Variants in PSMA3 observed in about 807,000 individuals in gnomAD.
The protein encoded by PSMA3 is proteasome subunit alpha type-3.
In PSMA3, 8 loss-of-function variants were observed where a neutral mutation model predicts 40.0. The observed-to-expected ratio is 0.20, with a 90% CI of 0.12 to 0.36. PSMA3 has a LOEUF of 0.36. Among genes scored for constraint, PSMA3 ranks in the 10% least tolerant of loss-of-function variants. The pLI is 1.00. For missense variants in PSMA3, 219 were observed against 310.6 expected, an observed-to-expected ratio of 0.70 and a Z score of 2.22; for synonymous variants, 110 against 100.0, an observed-to-expected ratio of 1.10 and a Z score of -0.59.
intron 2 of PSMA3, among the ~76,000 whole-genome samples, chr14:58,250,195 G>A (rs1889975361): frequency 7.8e-6 from 1 of 127,744 alleles, no homozygotes; most frequent in Non-Finnish European, 1.6e-5. Context: ...ACTCCAGCTG[G>A]GGCAACAGAG....
At chr14:58,261,121 A>AC (rs1156485903) in intron 6 of PSMA3, 101 bp downstream of exon 6, 5 of 782,804 alleles carry the variant, frequency 6.4e-6, no homozygotes, top group Non-Finnish European at 9.9e-6. Context: ...AAAAAAACTC[A>AC]TTCAAGGAAA....
intron 3 of PSMA3, among the ~76,000 whole-genome samples, chr14:58,255,558 C>T (rs920799884): frequency 2.6e-5 from 4 of 152,140 alleles, no homozygotes; most frequent in East Asian, 1.9e-4. Flanking sequence ...CACCTGAGGT[C>T]GAAAGTTCAA....
rs755276247 is a variant in PSMA3 at position 58,267,572 on chromosome 14, C to CAT, written c.590+61_590+62dup. 51 of 1,523,058 alleles carry CAT rather than the reference C, an allele frequency of 3.3e-5. No individual in the cohort carries two copies. The South Asian group carries it at 5.4e-4, about 16-fold the overall frequency. 94.3% of individuals were successfully genotyped at this position (1,523,058 alleles called of 1,614,324 possible). A position where few individuals can be genotyped will look rare whatever the true frequency, so the allele number is the denominator to read the frequency against. ...ACAAAAATATTTCATTTGACCTTTG[C>CAT]ATATATATATTACATTAATCCTAAG... On this transcript the variant is annotated intron_variant, in intron 8 of 10. Transcript: ENST00000216455.
intron 3 of PSMA3, among the ~76,000 whole-genome samples, chr14:58,252,478 G>A (rs896033149): frequency 6.6e-6 from 1 of 152,182 alleles, no homozygotes; most frequent in Non-Finnish European, 1.5e-5. Flanking sequence ...GTAGAAATGA[G>A]ATCTTGGCAG....
At chr14:58,254,344 G>GTATATATATATATATATATA (rs1890096208) in intron 3 of PSMA3, among the ~76,000 whole-genome samples, 1 of 13,440 alleles carries the variant, frequency 7.4e-5, no homozygotes, top group African/African-American at 3.2e-4. Flanking sequence ...ATATATATAT[G>GTATATATATATATATATATA]TATGTACACA....
At chr14:58,244,988 G>A (rs765823753) in intron 1 of PSMA3, 47 bp downstream of exon 1, 14 of 1,613,784 alleles carry the variant, frequency 8.7e-6, no homozygotes, top group Non-Finnish European at 1.1e-5. Context: ...AAGGATTGGG[G>A]TTGAAGGGAA....
intron 1 of PSMA3, 125 bp downstream of exon 1, chr14:58,245,066 T>A: frequency 8.1e-7 from 1 of 1,234,180 alleles, no homozygotes; most frequent in Non-Finnish European, 1.2e-6. Flanking sequence ...GGGTGGGCCA[T>A]TTGCAGCTGT....
intron 3 of PSMA3, among the ~76,000 whole-genome samples, chr14:58,256,288 G>A (rs1326352819): frequency 6.6e-6 from 1 of 152,184 alleles, no homozygotes; most frequent in Non-Finnish European, 1.5e-5. Flanking sequence ...AGTATCTCTC[G>A]TCTAAAATGC....
At chr14:58,270,229 G>GTT in intron 8 of PSMA3, 189 bp from the exon 9 acceptor site, 1 of 801,740 alleles carries the variant, frequency 1.2e-6, no homozygotes, top group Non-Finnish European at 1.8e-6. Context: ...GAGAGTAGAT[G>GTT]TTTCATTTTA....
At chr14:58,264,005 G>C (rs1890360589) in intron 7 of PSMA3, among the ~76,000 whole-genome samples, 1 of 152,156 alleles carries the variant, frequency 6.6e-6, no homozygotes, top group Admixed American at 6.5e-5. Flanking sequence ...GGGGAAGCTC[G>C]GTGTAAGGAT....
chr14:58,267,051 G>A (rs2140095698), intron 7 of PSMA3: 1 of 152,650 alleles, frequency 6.6e-6, no homozygotes, highest in Non-Finnish European at 1.5e-5. Flanking sequence ...CCAGGCTAGA[G>A]TGCAGTGGCG....
At chr14:58,271,501 G>T (rs1449216917) in intron 10 of PSMA3, among the ~76,000 whole-genome samples, 1 of 151,800 alleles carries the variant, frequency 6.6e-6, no homozygotes, top group African/African-American at 2.4e-5. Flanking sequence ...GGCTACTTTT[G>T]TATTTTTGGC....
In PSMA3 at chr14:58,261,038, AT is replaced by A. The variant is rs771707854; in HGVS notation, c.477+21del. On this transcript the variant is annotated intron_variant, in intron 6 of 10. Coordinates refer to ENST00000216455, the MANE Select transcript of PSMA3 (RefSeq NM_002788.4). ...TTTCATACGTGAGTAATTTTGAATC[AT>A]TTGAAATTCTATTTTAGTTTAATGG... is the stretch of plus-strand genomic sequence containing the variant. 7.8e-6 allele frequency: 12 copies of A among 1,545,866 alleles called. No homozygotes were observed. Among genetic ancestry groups the A allele is most frequent in the Non-Finnish European group, 7.1e-6 (8 of 1,120,148 alleles).
intron 2 of PSMA3, among the ~76,000 whole-genome samples, chr14:58,251,799 TGTC>T (rs1257625368): frequency 6.6e-6 from 1 of 152,240 alleles, no homozygotes; most frequent in Non-Finnish European, 1.5e-5. Context: ...CATGAATTTA[TGTC>T]AACATTTGTT....
intron 2 of PSMA3, 116 bp downstream of exon 2, chr14:58,247,948 A>T: frequency 1.6e-6 from 1 of 643,110 alleles, no homozygotes; most frequent in Non-Finnish European, 2.6e-6. Flanking sequence ...ATCTCAATTT[A>T]TTCATTTCCA....
chr14:58,267,391 T>C, intron 7 of PSMA3, 83 bp from the exon 8 acceptor site: 2 of 1,347,194 alleles, frequency 1.5e-6, no homozygotes, highest in Non-Finnish European at 1.9e-6. Flanking sequence ...CTTGGTTTTA[T>C]ATCTGAGTAT....
At chr14:58,260,640 C>G (rs1008890663) in intron 5 of PSMA3, among the ~76,000 whole-genome samples, 3 of 152,020 alleles carry the variant, frequency 2.0e-5, no homozygotes, top group African/African-American at 7.2e-5. Flanking sequence ...GTGTTTATGC[C>G]TTATTTATTG....
At chr14:58,270,766 T>C (rs1274927550) in intron 9 of PSMA3, among the ~76,000 whole-genome samples, 168 bp from the exon 10 acceptor site, 1 of 152,242 alleles carries the variant, frequency 6.6e-6, no homozygotes, top group Admixed American at 6.5e-5. Context: ...TAGGCACATA[T>C]AATCTCATGT....
chr14:58,270,782 C>T, intron 9 of PSMA3, 152 bp from the exon 10 acceptor site: 1 of 771,428 alleles, frequency 1.3e-6, no homozygotes, highest in Non-Finnish European at 2.0e-6. Context: ...CATGTAGAAG[C>T]AGCACACAAA....
Sources: allele counts gnomAD v4.1 joint callset (sites outside exome capture counted in the v4.1 genomes callset), GRCh38; gene constraint gnomAD v4.1.1; transcripts MANE v1.5; gene names NCBI Gene and HGNC (gene_info 2026-07-23, HGNC 2026-07-21).